MACROD2: variants seen among roughly 807,000 people sequenced by gnomAD.
The protein encoded by MACROD2 is ADP-ribose glycohydrolase MACROD2.
A neutral mutation model predicts 70.4 loss-of-function variants in MACROD2; 36 were observed. The ratio of observed to expected loss-of-function variants is 0.51; its 90% CI spans 0.39 to 0.68. MACROD2 has a LOEUF of 0.68. Among genes scored for constraint, MACROD2 ranks in the 30% least tolerant of loss-of-function variants. The pLI is 0.00. For missense variants in MACROD2, 496 were observed against 538.4 expected, an observed-to-expected ratio of 0.92 and a Z score of 0.78; for synonymous variants, 172 against 178.8, an observed-to-expected ratio of 0.96 and a Z score of 0.30.
chr20:15,806,315 A>G (rs1444052380), intron 8 of MACROD2, among the ~76,000 whole-genome samples: 1 of 152,142 alleles, frequency 6.6e-6, no homozygotes, highest in African/African-American at 2.4e-5. Flanking sequence ...CCTCATTTAC[A>G]CTGGTTCAAT....
intron 4 of MACROD2, among the ~76,000 whole-genome samples, chr20:14,639,220 C>T (rs79015982): frequency 0.03 from 4,547 of 151,708 alleles, 106 homozygotes; most frequent in Non-Finnish European, 0.045. Context: ...TCTAAGGTAA[C>T]CCTCTCCTTT....
chr20:15,837,899 G>C (rs1421791799), intron 8 of MACROD2, among the ~76,000 whole-genome samples: 2 of 152,044 alleles, frequency 1.3e-5, no homozygotes, highest in Admixed American at 6.6e-5. Flanking sequence ...ATCATCAACT[G>C]CTTAGCCCAT....
rs138342678 is a variant in MACROD2 at position 14,560,113 on chromosome 20, G to T, written c.301+66605G>T. 5.5e-3 allele frequency among the ~76,000 whole-genome samples: 833 copies of T among 151,886 alleles called. 9 individuals carry two copies. Among genetic ancestry groups the T allele is most frequent in the African/African-American group, 0.019 (779 of 41,464 alleles). ...TTTCACCAGCCAAAGATTTTGAGAG[G>T]ACAAAAGAGGGGACAAGAACTTGCT... On this transcript the variant is annotated intron_variant, in intron 4 of 17. Transcript: ENST00000684519.
chr20:16,039,520 C>A (rs951512674), intron 15 of MACROD2, among the ~76,000 whole-genome samples: 11 of 151,766 alleles, frequency 7.2e-5, no homozygotes, highest in African/African-American at 2.4e-4. Flanking sequence ...TTAAACATTT[C>A]TTTTGGTATT....
At chr20:14,760,417 A>G (rs946731335) in intron 5 of MACROD2, among the ~76,000 whole-genome samples, 2 of 152,144 alleles carry the variant, frequency 1.3e-5, no homozygotes, top group African/African-American at 4.8e-5. Context: ...GGCCAGGTAC[A>G]TAGGAAAGTA....
intron 4 of MACROD2, among the ~76,000 whole-genome samples, chr20:14,598,274 A>G (rs556981463): frequency 8.5e-5 from 13 of 152,168 alleles, no homozygotes; most frequent in Non-Finnish European, 1.9e-4. Flanking sequence ...TTTAAAATGT[A>G]AAACAAAAGT....
At chr20:14,861,289 G>A (rs1449646653) in intron 5 of MACROD2, among the ~76,000 whole-genome samples, 1 of 152,168 alleles carries the variant, frequency 6.6e-6, no homozygotes, top group African/African-American at 2.4e-5. Flanking sequence ...CTCGGAGGAA[G>A]GGCATCCTGC....
chr20:14,317,457 A>G (rs904926864), intron 3 of MACROD2, among the ~76,000 whole-genome samples: 3 of 151,950 alleles, frequency 2.0e-5, no homozygotes, highest in African/African-American at 4.8e-5. Context: ...TCTACTAAAA[A>G]CACAAAAAAT....
At position 14,541,655 on chromosome 20, in the gene MACROD2, T is replaced by C. The variant is rs2085434515; in HGVS notation, c.301+48147T>C. Among the ~76,000 whole-genome samples the C allele has an allele frequency of 1.3e-5, 2 of 151,882 alleles. 1 individual carries two copies. The highest frequency in any genetic ancestry group is 4.2e-4 in the South Asian group (2 of 4,812). On this transcript the variant is annotated intron_variant, in intron 4 of 17. Coordinates refer to ENST00000684519, the MANE Select transcript of MACROD2 (RefSeq NM_001351661.2). The stretch of plus-strand genomic sequence containing the variant: ...GCATGGATATGTGAACAAAATGATG[T>C]GCTTGAGAGGGAATGGTGTCTATAA...
chr20:15,735,890 C>A (rs550592155), intron 8 of MACROD2, among the ~76,000 whole-genome samples: 1 of 152,236 alleles, frequency 6.6e-6, no homozygotes, highest in East Asian at 1.9e-4. Context: ...CAAAGGAATA[C>A]CCCAAATTCA....
chr20:14,959,004 C>T (rs2074560749), intron 5 of MACROD2, among the ~76,000 whole-genome samples: 1 of 152,092 alleles, frequency 6.6e-6, no homozygotes, highest in Non-Finnish European at 1.5e-5. Context: ...GCCTAGTTGC[C>T]CTCTAAATGA....
chr20:14,907,645 A>G (rs1189613386), intron 5 of MACROD2, among the ~76,000 whole-genome samples: 1 of 152,206 alleles, frequency 6.6e-6, no homozygotes, highest in African/African-American at 2.4e-5. Flanking sequence ...AGGAATAGAA[A>G]GCGCAAAGAC....
At chr20:14,857,305 C>A (rs906481409) in intron 5 of MACROD2, among the ~76,000 whole-genome samples, 9 of 152,184 alleles carry the variant, frequency 5.9e-5, no homozygotes, top group African/African-American at 2.2e-4. Context: ...AAACTACTTC[C>A]TGCACACACA....
chr20:14,411,667 G>T (rs1301448088), intron 3 of MACROD2, among the ~76,000 whole-genome samples: 1 of 152,048 alleles, frequency 6.6e-6, no homozygotes, highest in East Asian at 1.9e-4. Flanking sequence ...CATACTGGTG[G>T]CTGCTGCTCA....
intron 13 of MACROD2, among the ~76,000 whole-genome samples, chr20:15,972,749 G>A (rs1468937554): frequency 6.6e-6 from 1 of 152,056 alleles, no homozygotes; most frequent in South Asian, 2.1e-4. Flanking sequence ...GGCAGAGGTT[G>A]CAATGAGCCT....
chr20:14,477,382 A>G (rs540691453), intron 3 of MACROD2, among the ~76,000 whole-genome samples: 2 of 152,306 alleles, frequency 1.3e-5, no homozygotes, highest in African/African-American at 4.8e-5. Context: ...GGCTAGCACA[A>G]CACTGTTCAT....
intron 5 of MACROD2, among the ~76,000 whole-genome samples, chr20:14,922,158 TAATATTG>T (rs774108511): frequency 6.6e-6 from 1 of 152,212 alleles, no homozygotes; most frequent in Non-Finnish European, 1.5e-5. Context: ...TCTCAGTTTA[TAATATTG>T]AAGATACCTG....
At chr20:15,995,966 G>A (rs1054029216) in intron 15 of MACROD2, among the ~76,000 whole-genome samples, 2 of 151,936 alleles carry the variant, frequency 1.3e-5, no homozygotes, top group African/African-American at 4.8e-5. Context: ...ATGCTGCAAT[G>A]AACACGAGAG....
chr20:15,151,060 G>C (rs2076265672), intron 5 of MACROD2, among the ~76,000 whole-genome samples: 2 of 151,998 alleles, frequency 1.3e-5, no homozygotes. Context: ...ATGGTCTACA[G>C]GGCTTCCGAG....
Sources: allele counts gnomAD v4.1 joint callset (sites outside exome capture counted in the v4.1 genomes callset), GRCh38; gene constraint gnomAD v4.1.1; transcripts MANE v1.5; gene names NCBI Gene and HGNC (gene_info 2026-07-23, HGNC 2026-07-21).